Variants in NIPBL observed in about 807,000 individuals in gnomAD.
The protein encoded by NIPBL is NIPBL cohesin loading factor, also known as nipped-B-like protein.
NIPBL carries 19 observed loss-of-function variants against 321.8 expected under a neutral mutation model. That is an observed-to-expected ratio of 0.06 (90% CI 0.04 to 0.09). The LOEUF (loss-of-function observed/expected upper bound fraction) is 0.09. NIPBL is among the 10% of genes least tolerant of loss of function. The pLI is 1.00. For synonymous variants in NIPBL, 1,106 were observed against 1,114.1 expected (o/e 0.99, Z 0.14); for missense variants, 2,210 against 3,327.0 (o/e 0.66, Z 8.26).
intron 8 of NIPBL, among the ~76,000 whole-genome samples, chr5:36,973,144 A>G (rs978858556): frequency 2.6e-5 from 4 of 152,268 alleles, no homozygotes; most frequent in Non-Finnish European, 5.9e-5. Flanking sequence ...ACTGTCTTCT[A>G]CTTTTTAAAA....
In NIPBL at chr5:37,065,176, A is replaced by G; in HGVS notation, c.*284A>G. The G allele has an allele frequency of 2.3e-6, 1 of 432,922 alleles. No homozygotes were observed. The highest frequency in any genetic ancestry group is 4.2e-6 in the Non-Finnish European group (1 of 238,196). 26.8% of individuals were successfully genotyped at this position (432,922 alleles called of 1,614,324 possible). Reference sequence around the variant, plus strand: ...AACTTTCTGTTTAAAAAAAATAAACAAGTGAATGTTGGAAATTAGTCTGTT... The same window carrying G: ...AACTTTCTGTTTAAAAAAAATAAACGAGTGAATGTTGGAAATTAGTCTGTT... On this transcript the variant is annotated 3_prime_UTR_variant, in exon 47 of 47. Coordinates refer to ENST00000282516, the MANE Select transcript of NIPBL (RefSeq NM_133433.4).
Position 36,953,656 on chromosome 5 carries a change from A to T in NIPBL, c.-41A>T, listed in dbSNP as rs780575072. The T allele has an allele frequency of 6.4e-7, 1 of 1,554,422 alleles. No homozygotes were observed. The highest frequency in any genetic ancestry group is 1.7e-5 in the Admixed American group (1 of 59,944). ...GGAAGTAATGACAGCTGGCACCTGA[A>T]CTAAGTACTTTTATAGGCAACACCA... is the stretch of plus-strand genomic sequence containing the variant. On this transcript the variant is annotated 5_prime_UTR_variant, in exon 2 of 47. Transcript: ENST00000282516.
intron 22 of NIPBL, 56 bp downstream of exon 22, chr5:37,014,821 C>A (rs1748742865): frequency 3.9e-6 from 4 of 1,032,494 alleles, no homozygotes; most frequent in East Asian, 2.4e-5. Flanking sequence ...GAGAATAGTT[C>A]ATTTTTTTAA....
chr5:36,897,773 A>G (rs926243421), intron 1 of NIPBL, among the ~76,000 whole-genome samples: 2 of 152,002 alleles, frequency 1.3e-5, no homozygotes, highest in African/African-American at 2.4e-5. Flanking sequence ...CCTGCTAACA[A>G]TGTGTATATA....
At chr5:37,040,175 C>G (rs1752174359) in intron 34 of NIPBL, among the ~76,000 whole-genome samples, 1 of 152,014 alleles carries the variant, frequency 6.6e-6, no homozygotes, top group South Asian at 2.1e-4. Context: ...ATAAATAGTC[C>G]TTGCATGATT....
intron 45 of NIPBL, among the ~76,000 whole-genome samples, chr5:37,062,428 T>C (rs1754827657): frequency 1.3e-5 from 2 of 152,032 alleles, no homozygotes; most frequent in Non-Finnish European, 2.9e-5. Flanking sequence ...TGCAAATGTA[T>C]GTATATAAAA....
At chr5:36,967,460 G>A (rs569048071) in intron 6 of NIPBL, among the ~76,000 whole-genome samples, 6 of 152,082 alleles carry the variant, frequency 3.9e-5, no homozygotes, top group Non-Finnish European at 8.8e-5. Context: ...AACATTAAAT[G>A]AAGAGATATG....
intron 24 of NIPBL, among the ~76,000 whole-genome samples, chr5:37,018,154 C>A (rs1749203292): frequency 6.6e-6 from 1 of 152,148 alleles, no homozygotes; most frequent in Admixed American, 6.5e-5. Flanking sequence ...ATCAAAAACT[C>A]TTGGTTTAAC....
intron 1 of NIPBL, among the ~76,000 whole-genome samples, chr5:36,942,315 C>T (rs1348857494): frequency 1.3e-5 from 2 of 150,556 alleles, no homozygotes; most frequent in Admixed American, 6.6e-5. Context: ...GCCTGTAATC[C>T]GAGCTACTCA....
intron 1 of NIPBL, among the ~76,000 whole-genome samples, chr5:36,916,868 T>C (rs1383109791): frequency 6.6e-6 from 1 of 152,194 alleles, no homozygotes; most frequent in African/African-American, 2.4e-5. Flanking sequence ...CCATGGTGTA[T>C]ATGTGCCACA....
intron 3 of NIPBL, among the ~76,000 whole-genome samples, chr5:36,957,033 C>T (rs1193837773): frequency 2.0e-5 from 3 of 152,026 alleles, no homozygotes; most frequent in African/African-American, 7.3e-5. Flanking sequence ...TTATGGAGAG[C>T]TCCTGTAAGA....
intron 1 of NIPBL, among the ~76,000 whole-genome samples, chr5:36,945,494 T>A (rs1422792184): frequency 6.6e-6 from 1 of 150,776 alleles, no homozygotes; most frequent in Non-Finnish European, 1.5e-5. Context: ...TAGTACTCAG[T>A]AGTGTAAATA....
intron 1 of NIPBL, among the ~76,000 whole-genome samples, chr5:36,919,486 A>G (rs892730021): frequency 1.7e-4 from 26 of 151,832 alleles, no homozygotes; most frequent in African/African-American, 6.1e-4. Context: ...GGCATGTACC[A>G]CTGCACCGAG....
At chr5:37,024,797 T>A in intron 30 of NIPBL, 78 bp downstream of exon 30, 1 of 1,107,216 alleles carries the variant, frequency 9.0e-7, no homozygotes. Flanking sequence ...AAATGTTGAT[T>A]TTAAATATAT....
At chr5:36,978,615 C>G (rs1054556038) in intron 9 of NIPBL, among the ~76,000 whole-genome samples, 1 of 151,606 alleles carries the variant, frequency 6.6e-6, no homozygotes, top group Non-Finnish European at 1.5e-5. Context: ...GTCAATTTTT[C>G]TTTGTGTTGT....
At chr5:36,982,257 A>G in intron 9 of NIPBL, 2 of 970,152 alleles carry the variant, frequency 2.1e-6, no homozygotes, top group Non-Finnish European at 2.5e-6. Context: ...ATGATTCTTC[A>G]TAGAGATGGC....
chr5:37,049,726 G>A (rs535394411), intron 40 of NIPBL, among the ~76,000 whole-genome samples: 1 of 152,118 alleles, frequency 6.6e-6, no homozygotes, highest in South Asian at 2.1e-4. Flanking sequence ...CTTTAAGTTG[G>A]GTATAACACC....
At chr5:36,921,866 T>C (rs1434599265) in intron 1 of NIPBL, among the ~76,000 whole-genome samples, 1 of 151,244 alleles carries the variant, frequency 6.6e-6, no homozygotes, top group Non-Finnish European at 1.5e-5. Flanking sequence ...TTCCTCAAAG[T>C]GTTTTTTTGG....
intron 5 of NIPBL, 123 bp from the exon 6 acceptor site, chr5:36,962,000 C>A: frequency 1.9e-6 from 2 of 1,080,216 alleles, no homozygotes; most frequent in African/African-American, 1.6e-5. Flanking sequence ...CAAGATTCTT[C>A]TGTTTGCATA....
Sources: allele counts gnomAD v4.1 joint callset (sites outside exome capture counted in the v4.1 genomes callset), GRCh38; gene constraint gnomAD v4.1.1; transcripts MANE v1.5; gene names NCBI Gene and HGNC (gene_info 2026-07-23, HGNC 2026-07-21).